The following TAFA1 variants were observed in gnomAD, a reference collection of about 807,000 sequenced individuals.
The protein encoded by TAFA1 is chemokine-like protein TAFA-1.
A neutral mutation model predicts 18.5 loss-of-function variants in TAFA1; 4 were observed. The observed-to-expected ratio is 0.22, with a 90% confidence interval of 0.11 to 0.49. The LOEUF (loss-of-function observed/expected upper bound fraction) is 0.49. Among genes scored for constraint, TAFA1 ranks in the 20% least tolerant of loss-of-function variants. TAFA1 has a pLI of 0.98. For missense variants in TAFA1, 147 were observed against 169.0 expected (o/e 0.87, Z 0.72); for synonymous variants, 56 against 55.2 (o/e 1.01, Z -0.06).
chr3:68,305,388 T>TGACTATATATGA (rs369495800), intron 2 of TAFA1, among the ~76,000 whole-genome samples: 5,015 of 114,226 alleles, frequency 0.044, 462 homozygotes, highest in East Asian at 0.21. Context: ...TATATATATA[T>TGACTATATATGA]GACTATATAT....
chr3:68,290,795 T>G (rs1262393976), intron 2 of TAFA1, among the ~76,000 whole-genome samples: 1 of 152,194 alleles, frequency 6.6e-6, no homozygotes, highest in African/African-American at 2.4e-5. Context: ...TTTATAACCT[T>G]TGATCTGAAT....
chr3:68,483,554 GAGA>G (rs1386995375), intron 3 of TAFA1, among the ~76,000 whole-genome samples: 1 of 152,216 alleles, frequency 6.6e-6, no homozygotes, highest in African/African-American at 2.4e-5. Flanking sequence ...GGCAGAATGG[GAGA>G]AGAAGACAAA....
At chr3:68,073,657 C>G (rs1054135661) in intron 2 of TAFA1, among the ~76,000 whole-genome samples, 1 of 151,964 alleles carries the variant, frequency 6.6e-6, no homozygotes, top group Non-Finnish European at 1.5e-5. Flanking sequence ...TATTGCATCT[C>G]TATACACAAT....
chr3:68,180,187 C>G (rs2066179999), intron 2 of TAFA1, among the ~76,000 whole-genome samples: 2 of 91,088 alleles, frequency 2.2e-5, no homozygotes, highest in African/African-American at 8.1e-5. Flanking sequence ...TGTGCACCAC[C>G]ACACCTGGCT....
At chr3:68,310,004 T>C (rs753816616) in intron 2 of TAFA1, among the ~76,000 whole-genome samples, 1 of 152,204 alleles carries the variant, frequency 6.6e-6, no homozygotes, top group Non-Finnish European at 1.5e-5. Flanking sequence ...CGAGGAAATT[T>C]CCAAAGTTAG....
At chr3:68,502,296 T>C (rs2072671454) in intron 3 of TAFA1, among the ~76,000 whole-genome samples, 1 of 152,146 alleles carries the variant, frequency 6.6e-6, no homozygotes, top group East Asian at 1.9e-4. Flanking sequence ...ATTACTCTTT[T>C]TATTGCTTAC....
intron 2 of TAFA1, among the ~76,000 whole-genome samples, chr3:68,361,894 C>A (rs2069474944): frequency 6.6e-6 from 1 of 152,094 alleles, no homozygotes; most frequent in African/African-American, 2.4e-5. Flanking sequence ...CTCACAAAGG[C>A]AGTGAGTTGC....
chr3:68,258,075 C>T (rs186655657), intron 2 of TAFA1, among the ~76,000 whole-genome samples: 1 of 152,174 alleles, frequency 6.6e-6, no homozygotes, highest in Admixed American at 6.5e-5. Flanking sequence ...ATGTGTGATC[C>T]TGGAACAGAA....
rs187991018 is a variant in TAFA1, at chr3:68,120,857, G to A, written c.118+114113G>A. ...AAGAGAACTGTCTGAAATACTAAAG[G>A]CATTAATATATTTTTCCCAGGTACC... On this transcript the variant is annotated intron_variant, in intron 2 of 4. Coordinates refer to ENST00000478136, the MANE Select transcript of TAFA1 (RefSeq NM_213609.4). Among the ~76,000 whole-genome samples the A allele has an allele frequency of 1.7e-3, 254 of 152,210 alleles. 1 individual carries two copies. The highest frequency in any genetic ancestry group is 5.7e-3 in the African/African-American group (237 of 41,518).
chr3:68,533,056 G>C (rs1440490831), intron 3 of TAFA1, among the ~76,000 whole-genome samples: 1 of 150,926 alleles, frequency 6.6e-6, no homozygotes. Flanking sequence ...TATTTAAAGG[G>C]GAAAAGTGGG....
intron 3 of TAFA1, among the ~76,000 whole-genome samples, chr3:68,430,281 G>C (rs1575859446): frequency 1.3e-5 from 2 of 151,944 alleles, no homozygotes. Context: ...AGCATTGCAG[G>C]CATAGAAGAG....
At chr3:68,164,086 C>T (rs1263742999) in intron 2 of TAFA1, among the ~76,000 whole-genome samples, 2 of 152,168 alleles carry the variant, frequency 1.3e-5, no homozygotes, top group Non-Finnish European at 2.9e-5. Context: ...AACAGATATG[C>T]TAATCTCAGG....
chr3:68,426,273 T>G (rs1421480762), intron 3 of TAFA1, among the ~76,000 whole-genome samples: 1 of 151,924 alleles, frequency 6.6e-6, no homozygotes, highest in Non-Finnish European at 1.5e-5. Flanking sequence ...TCTTCATTTT[T>G]TTCTTTCTCA....
chr3:68,145,401 T>G, intron 2 of TAFA1: 1 of 846,888 alleles, frequency 1.2e-6, no homozygotes, highest in South Asian at 1.3e-5. Flanking sequence ...ACTGATGATT[T>G]TGCAGCCTTT....
rs17047649 is a variant in TAFA1 at position 68,414,972 on chromosome 3, G to A, written c.119-2308G>A. 9.2e-3 allele frequency among the ~76,000 whole-genome samples: 1,393 copies of A among 152,218 alleles called. 15 individuals carry two copies. The highest frequency in any genetic ancestry group is 0.032 in the African/African-American group (1,336 of 41,536). On this transcript the variant is annotated intron_variant, in intron 2 of 4. Transcript: ENST00000478136. ...TCGAACTAGCTGTTACTGACTTGAC[G>A]GAGGGTATTTGTAGCTGACAATTAT...
At chr3:68,146,931 G>T (rs2065747957) in intron 2 of TAFA1, among the ~76,000 whole-genome samples, 1 of 151,950 alleles carries the variant, frequency 6.6e-6, no homozygotes, top group Admixed American at 6.6e-5. Flanking sequence ...CTTAAATCAG[G>T]CTGGAAATTT....
chr3:68,377,747 T>C (rs1019335596), intron 2 of TAFA1, among the ~76,000 whole-genome samples: 5 of 152,078 alleles, frequency 3.3e-5, no homozygotes, highest in African/African-American at 4.8e-5. Context: ...CCTCAAAGCC[T>C]AGGAGAAAAA....
intron 2 of TAFA1, among the ~76,000 whole-genome samples, chr3:68,379,438 T>C (rs994226047): frequency 1.3e-5 from 2 of 152,248 alleles, no homozygotes; most frequent in African/African-American, 4.8e-5. Flanking sequence ...TCCCATTCTG[T>C]AGGTTGCCTG....
intron 2 of TAFA1, among the ~76,000 whole-genome samples, chr3:68,225,564 G>A (rs990473312): frequency 5.3e-5 from 8 of 152,052 alleles, no homozygotes; most frequent in South Asian, 2.1e-4. Flanking sequence ...ACTGATAGTC[G>A]TAGGAAATAT....
Sources: allele counts gnomAD v4.1 joint callset (sites outside exome capture counted in the v4.1 genomes callset), GRCh38; gene constraint gnomAD v4.1.1; transcripts MANE v1.5; gene names NCBI Gene and HGNC (gene_info 2026-07-23, HGNC 2026-07-21).